The following VWC2 variants were observed in gnomAD, a reference collection of about 807,000 sequenced individuals.
The protein encoded by VWC2 is von Willebrand factor C domain containing 2.
In VWC2, 14 loss-of-function variants were observed where a neutral mutation model predicts 29.8. That is an observed-to-expected ratio of 0.47 (90% CI 0.31 to 0.74). The LOEUF is 0.74. VWC2 is among the 30% of genes least tolerant of loss of function. The pLI is 0.05. For missense variants in VWC2, 457 were observed against 459.8 expected (o/e 0.99, Z 0.05); for synonymous variants, 213 against 199.0 (o/e 1.07, Z -0.59).
intron 3 of VWC2, among the ~76,000 whole-genome samples, chr7:49,869,234 T>C (rs947248843): frequency 6.6e-6 from 1 of 152,154 alleles, no homozygotes; most frequent in Non-Finnish European, 1.5e-5. Context: ...TATAATTCCA[T>C]GAGATAATTG....
chr7:49,892,031 ATTTTTTTTTTTTTTTTTTTTT>A lies in VWC2; in HGVS notation c.827-19992_827-19972del, dbSNP rs536880676. ...GCAGTTGGCAGAACAGACAAAGTAGATTTTTTTTTTTTTTTTTTTTTTTTTTTTTTTGAGACGGAGTCTCGC... is the reference window on the plus strand; with the variant it reads ...GCAGTTGGCAGAACAGACAAAGTAGATTTTTTTTTTGAGACGGAGTCTCGC... On this transcript the variant is annotated intron_variant, in intron 3 of 3. Transcript: ENST00000340652. Among the ~76,000 whole-genome samples the A allele has an allele frequency of 5.6e-5, 3 of 53,288 alleles. No homozygotes were observed. The East Asian group carries it at 2.0e-3, about 36-fold the overall frequency. 35.0% of individuals were successfully genotyped at this position (53,288 alleles called of 152,430 possible).
At chr7:49,906,275 G>T (rs1448306945) in intron 3 of VWC2, among the ~76,000 whole-genome samples, 2 of 151,772 alleles carry the variant, frequency 1.3e-5, no homozygotes, top group African/African-American at 2.4e-5. Context: ...ATAATAATAA[G>T]GACAAAAAAT....
rs1360137516 is a variant in VWC2, at chr7:49,915,527, A to G, written c.*3342A>G. ...TATATAAGGTTAAAAGTCCTAAAAA[A>G]TCATAAAATTCAGATGTTTAATTTT... On this transcript the variant is annotated 3_prime_UTR_variant, in exon 4 of 4. Coordinates refer to ENST00000340652, the MANE Select transcript of VWC2 (RefSeq NM_198570.5). 3 of 152,224 alleles carry G rather than the reference A, an allele frequency of 2.0e-5. No individual in the cohort carries two copies. The highest frequency in any genetic ancestry group is 4.4e-5 in the Non-Finnish European group (3 of 68,024). The allele number at this position is 152,224 out of a possible 1,614,324, so 9.4% of individuals were successfully genotyped here.
chr7:49,862,653 G>T (rs533585030), intron 3 of VWC2, among the ~76,000 whole-genome samples: 6 of 141,270 alleles, frequency 4.2e-5, no homozygotes, highest in South Asian at 2.2e-4. Context: ...ACTTTGATGT[G>T]TTTTTTTTTT....
intron 3 of VWC2, among the ~76,000 whole-genome samples, chr7:49,875,334 C>T (rs1256395063): frequency 8.4e-6 from 1 of 119,136 alleles, no homozygotes; most frequent in East Asian, 2.7e-4. Context: ...CACACCACTG[C>T]TCTCCAGCCT....
At chr7:49,780,232 G>T (rs1258158754) in intron 2 of VWC2, among the ~76,000 whole-genome samples, 2 of 152,174 alleles carry the variant, frequency 1.3e-5, no homozygotes, top group Non-Finnish European at 2.9e-5. Flanking sequence ...TGACCATTCT[G>T]ATTCTGTGTC....
At chr7:49,896,948 T>C (rs954688889) in intron 3 of VWC2, among the ~76,000 whole-genome samples, 1 of 144,674 alleles carries the variant, frequency 6.9e-6, no homozygotes, top group Non-Finnish European at 1.5e-5. Flanking sequence ...GACTGCAGAC[T>C]GCAGTGGCGC....
In VWC2 at chr7:49,916,550, G is replaced by A. The variant is rs960447550; in HGVS notation, c.*4365G>A. ...TCATTTAGGAATCATACCATAGTTT[G>A]CATAATGGTTAATTTTATGCCTGCT... On this transcript the variant is annotated 3_prime_UTR_variant, in exon 4 of 4. Transcript: ENST00000340652. 3.9e-5 allele frequency: 6 copies of A among 152,136 alleles called. No individual in the cohort carries two copies. The highest frequency in any genetic ancestry group is 1.4e-4 in the African/African-American group (6 of 41,422). The allele number at this position is 152,136 out of a possible 1,614,324, so 9.4% of individuals were successfully genotyped here. A position where few individuals can be genotyped will look rare whatever the true frequency, so the allele number is the denominator to read the frequency against.
rs1264097810 is a variant in VWC2, at chr7:49,915,794, A to AT, written c.*3614dup. The AT allele has an allele frequency of 6.6e-6, 1 of 152,154 alleles. No individual in the cohort carries two copies. The highest frequency in any genetic ancestry group is 1.5e-5 in the Non-Finnish European group (1 of 68,012). 9.4% of individuals were successfully genotyped at this position (152,154 alleles called of 1,614,324 possible). On this transcript the variant is annotated 3_prime_UTR_variant, in exon 4 of 4. Transcript: ENST00000340652. Reference sequence around the variant, plus strand: ...TTTTCATTGTTATTTTTAATATCATATTTTTCCCCAACATAATGTTATTAT... The same window carrying AT: ...TTTTCATTGTTATTTTTAATATCATATTTTTTCCCCAACATAATGTTATTAT...
At chr7:49,781,639 G>A (rs1255468083) in intron 2 of VWC2, among the ~76,000 whole-genome samples, 4 of 152,116 alleles carry the variant, frequency 2.6e-5, no homozygotes, top group Admixed American at 6.5e-5. Context: ...TAGTGTCTTC[G>A]TGACCATATG....
intron 3 of VWC2, among the ~76,000 whole-genome samples, chr7:49,883,275 G>A (rs749479894): frequency 1.3e-4 from 20 of 152,186 alleles, no homozygotes; most frequent in Non-Finnish European, 2.5e-4. Flanking sequence ...CAGAATAGGC[G>A]AATCCAGGGC....
At chr7:49,904,559 A>G (rs1384405265) in intron 3 of VWC2, among the ~76,000 whole-genome samples, 1 of 152,208 alleles carries the variant, frequency 6.6e-6, no homozygotes, top group Non-Finnish European at 1.5e-5. Flanking sequence ...GGCTTTAAAA[A>G]ATTTCAGTAA....
At chr7:49,888,624 C>T (rs750865281) in intron 3 of VWC2, among the ~76,000 whole-genome samples, 2 of 152,064 alleles carry the variant, frequency 1.3e-5, no homozygotes, top group African/African-American at 4.8e-5. Flanking sequence ...ATGAAGTGCA[C>T]CTTTTGCCAG....
rs146137930 is a variant in VWC2, at chr7:49,915,707, A to G, written c.*3522A>G. ...GAAAACAAAATTATAGACATAAACTATGATTTTAAAAATATTAACAATTTG... is the reference window on the plus strand; with the variant it reads ...GAAAACAAAATTATAGACATAAACTGTGATTTTAAAAATATTAACAATTTG... On this transcript the variant is annotated 3_prime_UTR_variant, in exon 4 of 4. Coordinates refer to ENST00000340652, the MANE Select transcript of VWC2 (RefSeq NM_198570.5). The G allele has an allele frequency of 2.0e-4, 31 of 152,198 alleles. No homozygotes were observed. In the East Asian group the frequency reaches 5.8e-3, roughly 28 times the overall value. The allele number at this position is 152,198 out of a possible 1,614,324, so 9.4% of individuals were successfully genotyped here.
chr7:49,864,740 G>A (rs1790808179), intron 3 of VWC2, among the ~76,000 whole-genome samples: 1 of 152,174 alleles, frequency 6.6e-6, no homozygotes, highest in Admixed American at 6.5e-5. Flanking sequence ...ATTTATGAAT[G>A]CTGTCTGCTC....
At chr7:49,841,915 G>T in intron 3 of VWC2, among the ~76,000 whole-genome samples, 1 of 151,848 alleles carries the variant, frequency 6.6e-6, no homozygotes, top group African/African-American at 2.4e-5. Flanking sequence ...TGCCCAGACT[G>T]CAGTGCAATG....
intron 2 of VWC2, among the ~76,000 whole-genome samples, chr7:49,785,374 C>G (rs1452076580): frequency 6.6e-6 from 1 of 152,004 alleles, no homozygotes; most frequent in Non-Finnish European, 1.5e-5. Context: ...TTAGATAGTT[C>G]CAAGAGACGG....
chr7:49,869,910 G>A (rs1583715282), intron 3 of VWC2, among the ~76,000 whole-genome samples: 1 of 152,238 alleles, frequency 6.6e-6, no homozygotes, highest in African/African-American at 2.4e-5. Context: ...TACAGCAGAT[G>A]TCAAAAGGAA....
At chr7:49,890,785 A>T (rs541738627) in intron 3 of VWC2, among the ~76,000 whole-genome samples, 1 of 152,206 alleles carries the variant, frequency 6.6e-6, no homozygotes, top group East Asian at 1.9e-4. Context: ...TTGAAGGTCT[A>T]GCTCTCACAG....
Sources: gnomAD v4.1 joint callset for allele counts (sites outside exome capture counted in the v4.1 genomes callset) on GRCh38, gnomAD v4.1.1 for gene constraint, MANE v1.5 for transcripts, NCBI Gene and HGNC (gene_info 2026-07-23, HGNC 2026-07-21) for gene names.